The following LRRC1 variants were observed in gnomAD, a reference collection of about 807,000 sequenced individuals.
The protein encoded by LRRC1 is leucine rich repeat containing 1, also known as leucine-rich repeat-containing protein 1.
Under a neutral mutation model 69.9 loss-of-function variants are expected in LRRC1, and 28 were observed. The observed-to-expected ratio is 0.40, with a 90% CI of 0.30 to 0.55. LRRC1 has a LOEUF of 0.55. LRRC1 is among the 20% of genes least tolerant of loss of function. The pLI, the probability that LRRC1 is intolerant of heterozygous loss-of-function variation, is 0.47. For missense variants in LRRC1, 498 were observed against 609.0 expected (o/e 0.82, Z 1.92); for synonymous variants, 236 against 240.2 (o/e 0.98, Z 0.16).
chr6:53,920,900 A>G, intron 13 of LRRC1, 139 bp downstream of exon 13: 1 of 903,318 alleles, frequency 1.1e-6, no homozygotes, highest in Non-Finnish European at 1.7e-6. Context: ...TTTAGAAGAC[A>G]AAGATAGGTA....
intron 2 of LRRC1, among the ~76,000 whole-genome samples, chr6:53,877,565 T>C (rs138209036): frequency 0.018 from 2,712 of 152,300 alleles, 40 homozygotes; most frequent in Middle Eastern, 0.027. Context: ...TTGAATGTTT[T>C]GCTGCTTAGA....
intron 2 of LRRC1, among the ~76,000 whole-genome samples, chr6:53,868,347 G>A (rs535922728): frequency 1.3e-5 from 2 of 151,490 alleles, no homozygotes; most frequent in Admixed American, 6.6e-5. Flanking sequence ...TCAGCTTCCC[G>A]AGAAGTAGCT....
intron 6 of LRRC1, 105 bp from the exon 7 acceptor site, chr6:53,897,180 G>A (rs1363428814): frequency 6.6e-6 from 5 of 753,644 alleles, no homozygotes; most frequent in Admixed American, 5.1e-5. Flanking sequence ...GTGAACATCT[G>A]CTAAGGTACC....
intron 7 of LRRC1, among the ~76,000 whole-genome samples, chr6:53,898,928 G>A (rs894004567): frequency 1.3e-5 from 2 of 152,172 alleles, no homozygotes; most frequent in African/African-American, 2.4e-5. Flanking sequence ...ATTATAGGAC[G>A]AGAACTGGCT....
chr6:53,894,095 G>A (rs1422604061), intron 4 of LRRC1, among the ~76,000 whole-genome samples: 1 of 152,212 alleles, frequency 6.6e-6, no homozygotes, highest in Non-Finnish European at 1.5e-5. Context: ...TTAAATGAGA[G>A]AGTTTTGAAG....
chr6:53,840,178 A>G (rs1296116925), intron 1 of LRRC1, among the ~76,000 whole-genome samples: 1 of 152,158 alleles, frequency 6.6e-6, no homozygotes, highest in African/African-American at 2.4e-5. Flanking sequence ...GTGCAAGGAA[A>G]CTGAACTTTT....
chr6:53,817,060 A>G (rs1341280390), intron 1 of LRRC1, among the ~76,000 whole-genome samples: 1 of 152,198 alleles, frequency 6.6e-6, no homozygotes, highest in African/African-American at 2.4e-5. Context: ...GTTTAAAGAC[A>G]TAGAAGAAAA....
At chr6:53,864,515 C>A (rs1462470753) in intron 2 of LRRC1, among the ~76,000 whole-genome samples, 1 of 152,158 alleles carries the variant, frequency 6.6e-6, no homozygotes, top group Non-Finnish European at 1.5e-5. Context: ...AGGCAGATGG[C>A]TGGAATTTCA....
chr6:53,904,143 C>T (rs1581913035), intron 9 of LRRC1, among the ~76,000 whole-genome samples: 1 of 152,226 alleles, frequency 6.6e-6, no homozygotes, highest in African/African-American at 2.4e-5. Flanking sequence ...TCCCTGTTCC[C>T]AGGTCTCTAC....
At chr6:53,800,644 T>C (rs777499386) in intron 1 of LRRC1, among the ~76,000 whole-genome samples, 10 of 152,018 alleles carry the variant, frequency 6.6e-5, no homozygotes, top group Non-Finnish European at 1.2e-4. Context: ...TTTTCAATAA[T>C]ACTTTTTTTT....
intron 4 of LRRC1, among the ~76,000 whole-genome samples, chr6:53,894,078 T>C (rs1767790724): frequency 6.6e-6 from 1 of 152,336 alleles, no homozygotes; most frequent in South Asian, 2.1e-4. Context: ...AGAGGTGTTT[T>C]TAAAATTTAA....
intron 2 of LRRC1, among the ~76,000 whole-genome samples, chr6:53,855,232 G>A (rs781214164): frequency 6.6e-6 from 1 of 152,212 alleles, no homozygotes; most frequent in Non-Finnish European, 1.5e-5. Context: ...TGCTTATAGA[G>A]GTGCTTGGTG....
At chr6:53,821,770 G>A (rs1765121946) in intron 1 of LRRC1, among the ~76,000 whole-genome samples, 2 of 152,052 alleles carry the variant, frequency 1.3e-5, no homozygotes. Flanking sequence ...GACTTTAAGG[G>A]AATTTTTTTT....
Position 53,920,712 on chromosome 6 carries a change from G to C in LRRC1, c.1367G>C (p.Ser456Thr). Residue 456 changes from serine (S) to threonine (T), a missense_variant, in exon 13 of 14, where the codon AGT (serine) becomes ACT (threonine). This residue lies in a region of LRRC1 where 162 missense variants were observed against 162.9 expected (regional missense o/e 0.99). Transcript: ENST00000370888. ...AACGAGCGTGCTGTCAACAGAGTCA[G>C]TGCGATCCGATTTGTGGAGGATGAG... The part of the protein sequence containing the change: ...AWNERAVNRV[S>T]AIRFVEDEKD... The C allele has an allele frequency of 6.2e-7, 1 of 1,614,178 alleles. No individual in the cohort carries two copies. The highest frequency in any genetic ancestry group is 8.5e-7 in the Non-Finnish European group (1 of 1,180,014).
intron 11 of LRRC1, among the ~76,000 whole-genome samples, chr6:53,914,681 G>A (rs532714685): frequency 6.6e-6 from 1 of 152,274 alleles, no homozygotes; most frequent in Admixed American, 6.5e-5. Flanking sequence ...AATGTCATAT[G>A]CGCCTTCTCT....
At chr6:53,825,146 AAAC>A (rs1765221703) in intron 1 of LRRC1, among the ~76,000 whole-genome samples, 2 of 152,182 alleles carry the variant, frequency 1.3e-5, no homozygotes, top group Non-Finnish European at 2.9e-5. Context: ...TGTTGCCGGT[AAAC>A]CATGCATGGG....
chr6:53,827,197 C>A (rs1052679885), intron 1 of LRRC1, among the ~76,000 whole-genome samples: 4 of 151,872 alleles, frequency 2.6e-5, no homozygotes, highest in Non-Finnish European at 5.9e-5. Flanking sequence ...CTCTCTCTGC[C>A]CATTTTCCAG....
chr6:53,887,738 T>C (rs1023081240), intron 4 of LRRC1, among the ~76,000 whole-genome samples: 24 of 152,250 alleles, frequency 1.6e-4, no homozygotes, highest in African/African-American at 5.8e-4. Context: ...TGTTGTTTCG[T>C]GAACCTTTTT....
chr6:53,861,510 C>A (rs758472856), intron 2 of LRRC1, among the ~76,000 whole-genome samples: 1 of 150,318 alleles, frequency 6.7e-6, no homozygotes, highest in African/African-American at 2.5e-5. Context: ...GGAGTGGGAC[C>A]AGACCATTCT....
Sources: allele counts gnomAD v4.1 joint callset (sites outside exome capture counted in the v4.1 genomes callset), GRCh38; gene constraint gnomAD v4.1.1; regional missense constraint gnomAD v4.1.1; transcripts MANE v1.5; gene names NCBI Gene and HGNC (gene_info 2026-07-23, HGNC 2026-07-21).